Variants in ITPKB observed in about 807,000 individuals in gnomAD.
The protein encoded by ITPKB is inositol-trisphosphate 3-kinase B.
A neutral mutation model predicts 69.4 loss-of-function variants in ITPKB; 13 were observed. That is an observed-to-expected ratio of 0.19 (90% confidence interval 0.12 to 0.30). ITPKB has a LOEUF of 0.30. Ranked by LOEUF, ITPKB falls within the 10% of genes least tolerant of loss-of-function variation. ITPKB has a pLI of 1.00. For synonymous variants in ITPKB, 584 were observed against 513.7 expected, an observed-to-expected ratio of 1.14 and a Z score of -1.85; for missense variants, 1,240 against 1,250.5, an observed-to-expected ratio of 0.99 and a Z score of 0.13.
chr1:226,669,552 T>C (rs1445085232), intron 2 of ITPKB, among the ~76,000 whole-genome samples: 1 of 152,210 alleles, frequency 6.6e-6, no homozygotes, highest in African/African-American at 2.4e-5. Context: ...CTAATGAACT[T>C]GGACTACTGT....
chr1:226,636,752 C>CTGTGTGTG lies in ITPKB; in HGVS notation c.2625+919_2625+926dup, dbSNP rs3831353. Among the ~76,000 whole-genome samples, 1,055 of 140,042 alleles carry CTGTGTGTG rather than the reference C, an allele frequency of 7.5e-3. 6 individuals carry two copies. Among genetic ancestry groups the CTGTGTGTG allele is most frequent in the African/African-American group, 0.02 (720 of 36,572 alleles). 91.9% of individuals were successfully genotyped at this position (140,042 alleles called of 152,430 possible). On this transcript the variant is annotated intron_variant, in intron 7 of 7. Coordinates refer to ENST00000429204, the MANE Select transcript of ITPKB (RefSeq NM_002221.4). ...ATTAGCCAGCCCCAGGACTGCAGCT[C>CTGTGTGTG]TGTGTGTGTGTGTGTGTGTGTGTGT...
intron 2 of ITPKB, among the ~76,000 whole-genome samples, chr1:226,649,780 C>A (rs1248664271): frequency 1.3e-5 from 2 of 151,828 alleles, no homozygotes; most frequent in Non-Finnish European, 2.9e-5. Context: ...ATTTATACAA[C>A]TACTTGAAAA....
At position 226,637,429 on chromosome 1, in the gene ITPKB, C is replaced by G. The variant is rs1411361499; in HGVS notation, c.2625+250G>C. Among the ~76,000 whole-genome samples, 1 of 152,234 alleles carries G rather than the reference C, an allele frequency of 6.6e-6. No homozygotes were observed. The highest frequency in any genetic ancestry group is 1.5e-5 in the Non-Finnish European group (1 of 68,036). On this transcript the variant is annotated intron_variant, in intron 7 of 7. Transcript: ENST00000429204. The surrounding 1 kb of genome is among the most constrained non-coding windows in gnomAD (Gnocchi z 4.3). ...ACCACTGCCCAGAATGGACAAGACT[C>G]TGGAGCTGGAAGGACAAGGGAGGAG...
At chr1:226,657,775 C>T (rs936911392) in intron 2 of ITPKB, among the ~76,000 whole-genome samples, 5 of 152,198 alleles carry the variant, frequency 3.3e-5, no homozygotes, top group Admixed American at 6.5e-5. Flanking sequence ...GTTTGTGCCA[C>T]TTAATTCCAA....
rs758136208 is a variant in ITPKB, at chr1:226,647,223, G to A, written c.2190C>T (p.Asp730=). 8.7e-6 allele frequency: 14 copies of A among 1,614,102 alleles called. No individual in the cohort carries two copies. The highest frequency in any genetic ancestry group is 6.7e-5 in the Admixed American group (4 of 60,006). Residue 730 remains aspartate, a synonymous_variant, in exon 4 of 8, where the codon GAC becomes GAT. Transcript: ENST00000429204. ...GCGAGTCGAAGTCGGCCAGCAGGTC[G>A]TCCATCTGGTTGTAGCGCTCCCCGT... ...VKDGERYNQM[D]DLLADFDSPC... is the part of the protein sequence containing the mutation.
chr1:226,712,775 C>G (rs1656993927), intron 2 of ITPKB, among the ~76,000 whole-genome samples: 1 of 152,178 alleles, frequency 6.6e-6, no homozygotes, highest in Non-Finnish European at 1.5e-5. Flanking sequence ...GAGAAAAGAA[C>G]AATACAGATT....
rs567773733 is a variant in ITPKB at position 226,638,897 on chromosome 1, G to A, written c.2553+660C>T. On this transcript the variant is annotated intron_variant, in intron 6 of 7. Coordinates refer to ENST00000429204, the MANE Select transcript of ITPKB (RefSeq NM_002221.4). ...AAATGCTCTCTGGAGCTATGGGGCC[G>A]ATGGCTAAGGGAGAGTCAGTGAGTG... Among the ~76,000 whole-genome samples, 11 of 151,990 alleles carry A rather than the reference G, an allele frequency of 7.2e-5. No homozygotes were observed. The East Asian group carries it at 1.8e-3, about 24-fold the overall frequency.
rs1025495031 is a variant in ITPKB, at chr1:226,736,257, T to C, written c.1202A>G (p.Gln401Arg). ...CAGGGAATCAGAGGACTCTGCGCTT[T>C]GCACGCTCACAGTCGTCTCCTCTGG... ...KRPEETTVSV[Q>R]SAESSDSLSW... is the part of the protein sequence containing the mutation. Residue 401 changes from glutamine (Q) to arginine (R), a missense_variant, in exon 2 of 8, where the codon CAA becomes CGA. Transcript: ENST00000429204. The C allele has an allele frequency of 1.3e-6, 2 of 1,568,796 alleles. No homozygotes were observed. Among genetic ancestry groups the C allele is most frequent in the Non-Finnish European group, 1.7e-6 (2 of 1,160,372 alleles).
intron 2 of ITPKB, among the ~76,000 whole-genome samples, chr1:226,705,609 T>C (rs1558091161): frequency 1.3e-5 from 2 of 151,808 alleles, no homozygotes; most frequent in Admixed American, 6.6e-5. Context: ...AATCCAAATA[T>C]GCAGATGTGC....
chr1:226,738,141 G>C lies in ITPKB; in HGVS notation c.-205-478C>G, dbSNP rs981662966. On this transcript the variant is annotated intron_variant, in intron 1 of 7. Coordinates refer to ENST00000429204, the MANE Select transcript of ITPKB (RefSeq NM_002221.4). The surrounding 1 kb of genome is among the most constrained non-coding windows in gnomAD (Gnocchi z 4.2). ...CAGGGTCTCCCTGCTCCACCCTCTC[G>C]GGGCATCAGAGACCGACCGGCTCGG... Among the ~76,000 whole-genome samples the C allele has an allele frequency of 7.9e-4, 120 of 152,090 alleles. 2 individuals carry two copies. Among genetic ancestry groups the C allele is most frequent in the Admixed American group, 4.4e-3 (68 of 15,284 alleles).
Position 226,736,079 on chromosome 1 carries a change from C to T in ITPKB, c.1380G>A (p.Gln460=). ...CCGCCTCCACATTCCCGGTCCCCGG[C>T]TGTGCTGAGGGGCTGCCCCCAAGCA... is the stretch of plus-strand genomic sequence containing the variant. ...LGLLGGSPSA[Q]PGTGNVEAGI... is the part of the protein sequence containing the mutation. Residue 460 remains glutamine (Q), a synonymous_variant, in exon 2 of 8, where the codon CAG becomes CAA. Transcript: ENST00000429204. The T allele has an allele frequency of 6.2e-7, 1 of 1,612,186 alleles. No individual in the cohort carries two copies. Among genetic ancestry groups the T allele is most frequent in the Non-Finnish European group, 8.5e-7 (1 of 1,179,402 alleles).
rs910528800 is a variant in ITPKB at position 226,642,715 on chromosome 1, C to A, written c.2247-590G>T. Reference sequence around the variant, plus strand: ...ACTGGGGGCAGGGTCTACTCAGGGCCCCACTAGATCCCCTTGGCTGCCTCG... The same window carrying A: ...ACTGGGGGCAGGGTCTACTCAGGGCACCACTAGATCCCCTTGGCTGCCTCG... On this transcript the variant is annotated intron_variant, in intron 4 of 7. Transcript: ENST00000429204. The surrounding 1 kb of genome is among the most constrained non-coding windows in gnomAD (Gnocchi z 6.4). 6.6e-6 allele frequency among the ~76,000 whole-genome samples: 1 copy of A among 152,042 alleles called. No individual in the cohort carries two copies. The highest frequency in any genetic ancestry group is 2.4e-5 in the African/African-American group (1 of 41,398).
intron 2 of ITPKB, among the ~76,000 whole-genome samples, chr1:226,688,346 C>T (rs998940164): frequency 3.3e-5 from 5 of 152,092 alleles, no homozygotes; most frequent in East Asian, 1.9e-4. Flanking sequence ...AGAGCTGTTC[C>T]GGGAAACTCA....
At chr1:226,734,493 T>C (rs561354582) in intron 2 of ITPKB, among the ~76,000 whole-genome samples, 1 of 152,276 alleles carries the variant, frequency 6.6e-6, no homozygotes, top group East Asian at 1.9e-4. Context: ...CTACCTACTA[T>C]AATAAAATGC....
At chr1:226,733,383 C>T (rs980306688) in intron 2 of ITPKB, among the ~76,000 whole-genome samples, 2 of 152,166 alleles carry the variant, frequency 1.3e-5, no homozygotes, top group Non-Finnish European at 2.9e-5. Flanking sequence ...CTTCTGTAGA[C>T]AAAATATCTA....
chr1:226,703,502 C>A (rs1278147574), intron 2 of ITPKB, among the ~76,000 whole-genome samples: 1 of 152,164 alleles, frequency 6.6e-6, no homozygotes, highest in Non-Finnish European at 1.5e-5. Context: ...GCTGCCCGGC[C>A]CCCACCTCCT....
intron 2 of ITPKB, among the ~76,000 whole-genome samples, chr1:226,677,203 A>G (rs1263099584): frequency 6.6e-6 from 1 of 152,230 alleles, no homozygotes; most frequent in South Asian, 2.1e-4. Flanking sequence ...GCTCACAAGG[A>G]TATTTACCGA....
chr1:226,733,056 G>A lies in ITPKB; in HGVS notation c.1932+2471C>T, dbSNP rs567581822. Among the ~76,000 whole-genome samples the A allele has an allele frequency of 9.5e-4, 145 of 152,186 alleles. 3 individuals carry two copies. The highest frequency in any genetic ancestry group is 7.9e-4 in the Admixed American group (12 of 15,276). Reference sequence around the variant, plus strand: ...TCTAGTGTGGGTCTGAGGGCCAGGGGTTGGTTATGTGACTGGAACGCTGAA... The same window carrying A: ...TCTAGTGTGGGTCTGAGGGCCAGGGATTGGTTATGTGACTGGAACGCTGAA... On this transcript the variant is annotated intron_variant, in intron 2 of 7. Transcript: ENST00000429204.
intron 2 of ITPKB, among the ~76,000 whole-genome samples, chr1:226,722,547 C>A (rs1657274142): frequency 6.6e-6 from 1 of 152,198 alleles, no homozygotes; most frequent in Non-Finnish European, 1.5e-5. Context: ...TATGGCTTTA[C>A]CCTGAGATCG....
Sources: allele counts gnomAD v4.1 joint callset (sites outside exome capture counted in the v4.1 genomes callset), GRCh38; gene constraint gnomAD v4.1.1; non-coding constraint Gnocchi (gnomAD v3.1); transcripts MANE v1.5; gene names NCBI Gene and HGNC (gene_info 2026-07-23, HGNC 2026-07-21).